DOCK2: variants seen among roughly 807,000 people sequenced by gnomAD.
The protein encoded by DOCK2 is dedicator of cytokinesis 2.
Under a neutral mutation model 248.9 loss-of-function variants are expected in DOCK2, and 87 were observed. That is an observed-to-expected ratio of 0.35 (90% CI 0.29 to 0.42). The LOEUF (loss-of-function observed/expected upper bound fraction) is 0.42, where lower values mean the gene tolerates loss of function less well. Ranked by LOEUF, DOCK2 falls within the 10% of genes least tolerant of loss-of-function variation. DOCK2 has a pLI of 1.00. For synonymous variants in DOCK2, 805 were observed against 821.6 expected (o/e 0.98, Z 0.35); for missense variants, 1,747 against 2,300.2 (o/e 0.76, Z 4.92).
chr5:169,967,002 A>G (rs1777325803), intron 27 of DOCK2, among the ~76,000 whole-genome samples: 1 of 152,242 alleles, frequency 6.6e-6, no homozygotes, highest in Non-Finnish European at 1.5e-5. Context: ...ATCTGAGACC[A>G]TATTATATAT....
intron 27 of DOCK2, chr5:169,883,677 A>G (rs752498110): frequency 1.3e-6 from 2 of 1,550,990 alleles, no homozygotes; most frequent in Non-Finnish European, 8.7e-7. Flanking sequence ...TGGGGGGAAG[A>G]TGGTGCCTGG....
At chr5:169,999,286 A>T (rs1353823366) in intron 30 of DOCK2, among the ~76,000 whole-genome samples, 1 of 152,200 alleles carries the variant, frequency 6.6e-6, no homozygotes, top group Non-Finnish European at 1.5e-5. Context: ...TATGTGCCTC[A>T]GTTTCCTCAA....
intron 29 of DOCK2, among the ~76,000 whole-genome samples, chr5:169,987,503 G>A (rs1778098361): frequency 1.3e-5 from 2 of 152,208 alleles, no homozygotes; most frequent in Admixed American, 1.3e-4. Flanking sequence ...ATGCACAGAT[G>A]TCCAGCCTTG....
intron 27 of DOCK2, among the ~76,000 whole-genome samples, chr5:169,978,767 T>C (rs1777828927): frequency 6.6e-6 from 1 of 152,060 alleles, no homozygotes; most frequent in Non-Finnish European, 1.5e-5. Flanking sequence ...GTACAGCAAA[T>C]AAGCCCTGCC....
intron 28 of DOCK2, among the ~76,000 whole-genome samples, 157 bp from the exon 29 acceptor site, chr5:169,985,671 T>C (rs895495578): frequency 2.0e-5 from 3 of 152,200 alleles, no homozygotes; most frequent in African/African-American, 7.2e-5. Context: ...CATTCCAGCA[T>C]TCAATCTTTA....
chr5:169,724,795 A>T (rs765018676), intron 22 of DOCK2, among the ~76,000 whole-genome samples: 10 of 145,144 alleles, frequency 6.9e-5, no homozygotes, highest in Non-Finnish European at 1.2e-4. Context: ...ATTCCGTGCC[A>T]CCCTACCAAT....
At chr5:169,881,353 C>T in intron 27 of DOCK2, 1 of 1,550,226 alleles carries the variant, frequency 6.5e-7, no homozygotes, top group Non-Finnish European at 8.7e-7. Flanking sequence ...GCAGGCCTCG[C>T]TTGTGGCCAG....
chr5:169,736,836 A>G (rs1763065971), intron 22 of DOCK2, among the ~76,000 whole-genome samples: 1 of 152,222 alleles, frequency 6.6e-6, no homozygotes, highest in Admixed American at 6.5e-5. Flanking sequence ...GAAAGTTTCT[A>G]TCTCAAAATA....
At chr5:169,956,419 G>A (rs911951294) in intron 27 of DOCK2, among the ~76,000 whole-genome samples, 3 of 152,106 alleles carry the variant, frequency 2.0e-5, no homozygotes, top group South Asian at 2.1e-4. Flanking sequence ...TCCCTCTCTC[G>A]TGGGTTGTAT....
chr5:169,970,865 A>G (rs1441142446), intron 27 of DOCK2, among the ~76,000 whole-genome samples: 1 of 152,100 alleles, frequency 6.6e-6, no homozygotes, highest in African/African-American at 2.4e-5. Context: ...TCATTGTGTC[A>G]GTTGATTTTT....
chr5:169,973,680 G>T (rs992072448), intron 27 of DOCK2, among the ~76,000 whole-genome samples: 1 of 152,156 alleles, frequency 6.6e-6, no homozygotes, highest in African/African-American at 2.4e-5. Context: ...TGCGGTATTG[G>T]TACCTCATAC....
chr5:169,929,488 G>C (rs1775637335), intron 27 of DOCK2, among the ~76,000 whole-genome samples: 1 of 152,136 alleles, frequency 6.6e-6, no homozygotes, highest in Admixed American at 6.5e-5. Context: ...TGTCATCCCA[G>C]CACTTTGGAA....
intron 2 of DOCK2, among the ~76,000 whole-genome samples, chr5:169,661,105 G>A (rs1048528327): frequency 1.3e-5 from 2 of 152,040 alleles, no homozygotes; most frequent in African/African-American, 4.8e-5. Flanking sequence ...TTTGGACACT[G>A]GACAAACTCT....
At chr5:169,823,236 T>G (rs1400506667) in intron 26 of DOCK2, among the ~76,000 whole-genome samples, 1 of 152,014 alleles carries the variant, frequency 6.6e-6, no homozygotes, top group Non-Finnish European at 1.5e-5. Context: ...TTCCAATCAA[T>G]AGAAAAAGAG....
intron 35 of DOCK2, 84 bp downstream of exon 35, chr5:170,034,639 A>T (rs1756260158): frequency 2.6e-6 from 4 of 1,547,836 alleles, no homozygotes; most frequent in South Asian, 1.2e-5. Context: ...ATTGTTCTTC[A>T]TAGGGAAGCA....
At position 170,049,588 on chromosome 5, in the gene DOCK2, T is replaced by C. The variant is rs117318071; in HGVS notation, c.4072-668T>C. Among the ~76,000 whole-genome samples, 47 of 152,340 alleles carry C rather than the reference T, an allele frequency of 3.1e-4. No individual in the cohort carries two copies. The East Asian group carries it at 8.7e-3, about 28-fold the overall frequency. On this transcript the variant is annotated intron_variant, in intron 40 of 51. Transcript: ENST00000520908. ...GCAGAGTTTCTCAACCTCAGCACTA[T>C]TGATATTTTGGGCCTGAAAATTCTT...
intron 27 of DOCK2, among the ~76,000 whole-genome samples, chr5:169,845,775 G>A (rs765717561): frequency 3.4e-4 from 51 of 152,208 alleles, no homozygotes; most frequent in Non-Finnish European, 1.0e-4. Context: ...TAATTACAAT[G>A]CTAAGAGTGC....
chr5:169,898,541 A>G (rs1773743370), intron 27 of DOCK2, among the ~76,000 whole-genome samples: 1 of 95,834 alleles, frequency 1.0e-5, no homozygotes, highest in Non-Finnish European at 1.9e-5. Context: ...CAACAACAAC[A>G]ACAACAACAA....
chr5:169,721,784 C>T (rs189545274), intron 22 of DOCK2, among the ~76,000 whole-genome samples: 7 of 152,302 alleles, frequency 4.6e-5, no homozygotes, highest in South Asian at 2.1e-4. Flanking sequence ...AAAGAAGAGT[C>T]GTTGTGGAGA....
Sources: allele counts gnomAD v4.1 joint callset (sites outside exome capture counted in the v4.1 genomes callset), GRCh38; gene constraint gnomAD v4.1.1; transcripts MANE v1.5; gene names NCBI Gene and HGNC (gene_info 2026-07-23, HGNC 2026-07-21).